LRP1B: variants seen among roughly 807,000 people sequenced by gnomAD.
LRP1B encodes the protein LDL receptor related protein 1B.
In LRP1B, 217 loss-of-function variants were observed where a neutral mutation model predicts 556.6. That is an observed-to-expected ratio of 0.39 (90% confidence interval 0.35 to 0.44). The LOEUF is 0.44. Ranked by LOEUF, LRP1B falls within the 20% of genes least tolerant of loss-of-function variation. The pLI is 1.00. For missense variants in LRP1B, 5,053 were observed against 5,620.8 expected, an observed-to-expected ratio of 0.90 and a Z score of 3.23; for synonymous variants, 2,047 against 1,865.8, an observed-to-expected ratio of 1.10 and a Z score of -2.50.
At chr2:141,315,252 A>ATTTTTTTTTTTTTT in intron 3 of LRP1B, among the ~76,000 whole-genome samples, 1 of 77,194 alleles carries the variant, frequency 1.3e-5, no homozygotes. Flanking sequence ...AATGATTGTA[A>ATTTTTTTTTTTTTT]TTTTTTTTTT....
intron 27 of LRP1B, among the ~76,000 whole-genome samples, chr2:140,865,465 T>G (rs1274444673): frequency 1.3e-5 from 2 of 152,016 alleles, no homozygotes; most frequent in Non-Finnish European, 2.9e-5. Flanking sequence ...TGTCACCATT[T>G]TCATTTTAAT....
chr2:141,130,611 G>A (rs1212956614), intron 7 of LRP1B, among the ~76,000 whole-genome samples: 1 of 152,068 alleles, frequency 6.6e-6, no homozygotes, highest in East Asian at 1.9e-4. Flanking sequence ...ACCCGTGTGA[G>A]ATAATGTTTG....
At chr2:141,675,269 T>C (rs1690832820) in intron 2 of LRP1B, among the ~76,000 whole-genome samples, 2 of 151,996 alleles carry the variant, frequency 1.3e-5, no homozygotes, top group Non-Finnish European at 2.9e-5. Context: ...GGAAATCACA[T>C]CTTTAAACTT....
In LRP1B at chr2:141,020,060, T is replaced by G. The variant is rs1308816415; in HGVS notation, c.1832A>C (p.Asn611Thr). 1 of 1,610,720 alleles carries G rather than the reference T, an allele frequency of 6.2e-7. No homozygotes were observed. Among genetic ancestry groups the G allele is most frequent in the East Asian group, 2.2e-5 (1 of 44,708 alleles). ...VEGIAVDWIG[N>T]NLYWTNDGHR... ...GCCATCATTGGTCCAGTAAAGATTA[T>G]TTCCAATCCAGTCCACAGCAATGCC... Residue 611 changes from asparagine to threonine, a missense_variant, in exon 12 of 91, where the codon AAT becomes ACT. By Grantham distance (65) the Asn-to-Thr change is moderately conservative. Around this residue, in one of 5 missense-constraint regions of LRP1B, gnomAD observed 3,619 missense variants for 3,931.9 expected, o/e 0.92. Transcript: ENST00000389484.
At chr2:141,734,730 T>C (rs1442874624) in intron 2 of LRP1B, among the ~76,000 whole-genome samples, 3 of 152,122 alleles carry the variant, frequency 2.0e-5, no homozygotes, top group Non-Finnish European at 4.4e-5. Context: ...CTTTGGATGA[T>C]AAGAAGTGCT....
At chr2:141,772,751 T>C (rs980666584) in intron 2 of LRP1B, among the ~76,000 whole-genome samples, 14 of 152,202 alleles carry the variant, frequency 9.2e-5, no homozygotes, top group Admixed American at 6.5e-5. Context: ...TACCTAGGAA[T>C]GTTTGGTGGG....
intron 1 of LRP1B, among the ~76,000 whole-genome samples, chr2:141,853,398 A>G (rs1185213328): frequency 6.6e-6 from 1 of 151,728 alleles, no homozygotes; most frequent in Non-Finnish European, 1.5e-5. Flanking sequence ...AATTGTGCCT[A>G]TTCTATTTAT....
intron 1 of LRP1B, among the ~76,000 whole-genome samples, chr2:142,128,440 C>G (rs1423168264): frequency 6.6e-6 from 1 of 152,226 alleles, no homozygotes; most frequent in Non-Finnish European, 1.5e-5. Flanking sequence ...TCATTAACCT[C>G]TTTCTTGAGT....
intron 2 of LRP1B, among the ~76,000 whole-genome samples, chr2:141,649,891 C>G (rs994122767): frequency 2.0e-5 from 3 of 152,056 alleles, no homozygotes; most frequent in African/African-American, 7.2e-5. Context: ...CTTTAAAAAC[C>G]AGTTGGGGCC....
At chr2:141,169,611 A>G (rs1449866422) in intron 7 of LRP1B, among the ~76,000 whole-genome samples, 1 of 151,886 alleles carries the variant, frequency 6.6e-6, no homozygotes, top group Non-Finnish European at 1.5e-5. Flanking sequence ...CCCGTGTAGT[A>G]GGGAAGAAAA....
intron 27 of LRP1B, among the ~76,000 whole-genome samples, chr2:140,860,994 C>T (rs113941923): frequency 4.1e-5 from 6 of 146,458 alleles, no homozygotes; most frequent in African/African-American, 1.7e-4. Context: ...ATCTATCTAT[C>T]TATCTATCTA....
intron 2 of LRP1B, among the ~76,000 whole-genome samples, chr2:141,541,364 T>C (rs966085204): frequency 7.2e-5 from 11 of 152,054 alleles, no homozygotes; most frequent in Non-Finnish European, 2.9e-5. Flanking sequence ...ATTCTGCCTG[T>C]AGCTGTCAAG....
chr2:142,020,092 G>T (rs1703283486), intron 1 of LRP1B, among the ~76,000 whole-genome samples: 1 of 152,002 alleles, frequency 6.6e-6, no homozygotes, highest in Admixed American at 6.6e-5. Context: ...TGTTGGTATG[G>T]CTCACTGAAG....
intron 3 of LRP1B, among the ~76,000 whole-genome samples, chr2:141,470,551 GT>G (rs1682423243): frequency 6.6e-6 from 1 of 152,284 alleles, no homozygotes; most frequent in South Asian, 2.1e-4. Flanking sequence ...ACTTCTCTGG[GT>G]TGATATGTTA....
chr2:140,321,130 C>T (rs1176884220), intron 82 of LRP1B, among the ~76,000 whole-genome samples: 1 of 151,982 alleles, frequency 6.6e-6, no homozygotes, highest in East Asian at 1.9e-4. Context: ...ACAATATTTT[C>T]CCCATTATAC....
chr2:140,502,997 A>C lies in LRP1B; in HGVS notation c.8628T>G (p.Asp2876Glu). The C allele has an allele frequency of 6.2e-7, 1 of 1,613,358 alleles. No individual in the cohort carries two copies. The highest frequency in any genetic ancestry group is 8.5e-7 in the Non-Finnish European group (1 of 1,179,386). ...TACACTTTGGGTTTAAAGGTGCTTCATCAGAATGGTCAGGACAGTCAAAGT... is the reference window on the plus strand; with the variant it reads ...TACACTTTGGGTTTAAAGGTGCTTCCTCAGAATGGTCAGGACAGTCAAAGT... ...DGDFDCPDHS[D>E]EAPLNPKCKS... Residue 2876 changes from aspartate to glutamate, a missense_variant, in exon 54 of 91, where the codon GAT (aspartate) becomes GAG (glutamate). Around this residue, in one of 5 missense-constraint regions of LRP1B, gnomAD observed 3,619 missense variants for 3,931.9 expected, o/e 0.92. Transcript: ENST00000389484.
At chr2:140,356,673 A>G (rs1488799955) in intron 74 of LRP1B, among the ~76,000 whole-genome samples, 197 bp from the exon 75 acceptor site, 2 of 151,838 alleles carry the variant, frequency 1.3e-5, no homozygotes, top group African/African-American at 4.8e-5. Context: ...ACTCATTAAC[A>G]TTAAATACAG....
intron 1 of LRP1B, among the ~76,000 whole-genome samples, chr2:141,932,404 T>C (rs1700533509): frequency 6.6e-6 from 1 of 152,084 alleles, no homozygotes; most frequent in Admixed American, 6.6e-5. Context: ...TATACTCTTA[T>C]TAACATGAGA....
chr2:140,322,549 A>C (rs1191102044), intron 81 of LRP1B, among the ~76,000 whole-genome samples: 1 of 119,316 alleles, frequency 8.4e-6, no homozygotes, highest in East Asian at 2.0e-4. Flanking sequence ...AAAAAGGATG[A>C]AAATGCATAT....
Sources: allele counts gnomAD v4.1 joint callset (sites outside exome capture counted in the v4.1 genomes callset), GRCh38; gene constraint gnomAD v4.1.1; regional missense constraint gnomAD v4.1.1; transcripts MANE v1.5; gene names NCBI Gene and HGNC (gene_info 2026-07-23, HGNC 2026-07-21).